PCDH15: variants seen among roughly 807,000 people sequenced by gnomAD.
PCDH15 encodes protocadherin-15.
Under a neutral mutation model 178.5 loss-of-function variants are expected in PCDH15, and 129 were observed. That is an observed-to-expected ratio of 0.72 (90% CI 0.63 to 0.84). The LOEUF (loss-of-function observed/expected upper bound fraction) is 0.84, where lower values mean the gene tolerates loss of function less well. Among genes scored for constraint, PCDH15 ranks in the 40% least tolerant of loss-of-function variants. The pLI is 0.00. For missense variants in PCDH15, 2,230 were observed against 2,099.9 expected, an observed-to-expected ratio of 1.06 and a Z score of -1.21; for synonymous variants, 800 against 732.0, an observed-to-expected ratio of 1.09 and a Z score of -1.50.
chr10:54,338,664 C>T (rs4592338), intron 6 of PCDH15, among the ~76,000 whole-genome samples: 2 of 152,138 alleles, frequency 1.3e-5, no homozygotes, highest in African/African-American at 4.8e-5. Flanking sequence ...CACTGTAATA[C>T]CTCAAAGAAA....
At chr10:54,378,688 T>A (rs1186112003) in intron 4 of PCDH15, 94 bp downstream of exon 4, 21 of 1,389,054 alleles carry the variant, frequency 1.5e-5, no homozygotes, top group Non-Finnish European at 2.1e-5. Flanking sequence ...TAAACTCAAA[T>A]TATGTAAATA....
intron 2 of PCDH15, among the ~76,000 whole-genome samples, chr10:55,588,097 G>C (rs1049507605): frequency 6.6e-6 from 1 of 152,070 alleles, no homozygotes; most frequent in South Asian, 2.1e-4. Context: ...ATTTTAAAGC[G>C]CTTAAAACTT....
intron 1 of PCDH15, among the ~76,000 whole-genome samples, chr10:55,216,441 C>A (rs1840704482): frequency 6.6e-6 from 1 of 151,406 alleles, no homozygotes; most frequent in Non-Finnish European, 1.5e-5. Flanking sequence ...TGGTAAAGTG[C>A]CAAAAAGAAG....
intron 2 of PCDH15, among the ~76,000 whole-genome samples, chr10:54,958,208 G>A (rs1838542906): frequency 6.6e-6 from 1 of 151,380 alleles, no homozygotes; most frequent in African/African-American, 2.4e-5. Flanking sequence ...CCATGTATAT[G>A]TGAAGTACAC....
At chr10:54,139,562 G>A (rs1254220309) in intron 14 of PCDH15, among the ~76,000 whole-genome samples, 1 of 152,096 alleles carries the variant, frequency 6.6e-6, no homozygotes, top group African/African-American at 2.4e-5. Context: ...GTTCTCATCT[G>A]TAAAATGCTA....
rs1447284813 is a variant in PCDH15, at chr10:53,843,087, C to T, written c.3807-2591G>A. Among the ~76,000 whole-genome samples the T allele has an allele frequency of 2.6e-5, 4 of 152,202 alleles. No individual in the cohort carries two copies. In the South Asian group the frequency reaches 8.3e-4, roughly 32 times the overall value. ...AACTGTACCAATTCCTTCATGGTAG[C>T]AGGGAATCATGAATAAAAGAAGTCT... is the stretch of plus-strand genomic sequence containing the variant. On this transcript the variant is annotated intron_variant, in intron 28 of 37. Transcript: ENST00000644397.
chr10:54,918,857 G>A (rs549840151), intron 2 of PCDH15, among the ~76,000 whole-genome samples: 1 of 152,086 alleles, frequency 6.6e-6, no homozygotes, highest in Non-Finnish European at 1.5e-5. Flanking sequence ...AATATCTTAA[G>A]TGAAAAATGT....
intron 1 of PCDH15, among the ~76,000 whole-genome samples, chr10:55,307,006 G>A (rs1383693152): frequency 2.0e-5 from 3 of 151,664 alleles, no homozygotes; most frequent in African/African-American, 7.3e-5. Context: ...ATACATATAT[G>A]TATATATACA....
chr10:54,442,679 T>G (rs2075902572), intron 3 of PCDH15, among the ~76,000 whole-genome samples: 1 of 150,656 alleles, frequency 6.6e-6, no homozygotes, highest in South Asian at 2.1e-4. Flanking sequence ...AAATTATGCT[T>G]AAAAATGATT....
At chr10:54,526,057 T>A (rs901484170) in intron 3 of PCDH15, among the ~76,000 whole-genome samples, 4 of 152,194 alleles carry the variant, frequency 2.6e-5, no homozygotes, top group African/African-American at 9.7e-5. Flanking sequence ...AACATTAGTA[T>A]ACTATATCAT....
intron 2 of PCDH15, among the ~76,000 whole-genome samples, chr10:55,425,266 G>T (rs573260558): frequency 9.9e-5 from 15 of 151,778 alleles, no homozygotes; most frequent in African/African-American, 2.9e-4. Flanking sequence ...AGTATTGTTT[G>T]TAAAATTTTA....
At chr10:54,544,808 TTC>T (rs1236949295) in intron 2 of PCDH15, among the ~76,000 whole-genome samples, 1 of 152,180 alleles carries the variant, frequency 6.6e-6, no homozygotes, top group Non-Finnish European at 1.5e-5. Flanking sequence ...TGTTAAAAAT[TTC>T]TGTTACATTA....
chr10:54,018,019 G>A (rs1320875718), intron 20 of PCDH15, among the ~76,000 whole-genome samples: 1 of 152,046 alleles, frequency 6.6e-6, no homozygotes, highest in Non-Finnish European at 1.5e-5. Flanking sequence ...CTAGCATATG[G>A]CTAGCTATTT....
chr10:54,518,979 G>C (rs1383473276), intron 3 of PCDH15, among the ~76,000 whole-genome samples: 1 of 152,154 alleles, frequency 6.6e-6, no homozygotes, highest in East Asian at 1.9e-4. Flanking sequence ...TATCTCAATA[G>C]ATGCAGAAAA....
chr10:55,013,081 A>T (rs1430327094), intron 2 of PCDH15, among the ~76,000 whole-genome samples: 2 of 152,148 alleles, frequency 1.3e-5, no homozygotes, highest in Admixed American at 1.3e-4. Flanking sequence ...GCTGAAACAT[A>T]GGAATCATAT....
chr10:55,025,753 T>C (rs909354916), intron 2 of PCDH15, among the ~76,000 whole-genome samples: 30 of 152,016 alleles, frequency 2.0e-4, no homozygotes, highest in Non-Finnish European at 2.9e-5. Context: ...TATAGTTTAT[T>C]CAATACCATG....
intron 5 of PCDH15, among the ~76,000 whole-genome samples, chr10:54,353,127 G>A (rs569048825): frequency 5.9e-5 from 9 of 152,088 alleles, no homozygotes; most frequent in African/African-American, 9.6e-5. Context: ...AGAAAATATC[G>A]TTTGCCAAAT....
intron 24 of PCDH15, among the ~76,000 whole-genome samples, chr10:53,939,170 GT>G (rs969800828): frequency 3.3e-5 from 5 of 152,086 alleles, no homozygotes; most frequent in East Asian, 1.9e-4. Flanking sequence ...AAATTGTAGG[GT>G]TTTTTTGTTT....
At chr10:55,400,431 T>C (rs11004832) in intron 2 of PCDH15, among the ~76,000 whole-genome samples, 240 of 152,256 alleles carry the variant, frequency 1.6e-3, no homozygotes, top group Non-Finnish European at 2.6e-3. Context: ...CTAGCATGCA[T>C]TCTAACAGAG....
Sources: allele counts gnomAD v4.1 joint callset (sites outside exome capture counted in the v4.1 genomes callset), GRCh38; gene constraint gnomAD v4.1.1; transcripts MANE v1.5; gene names NCBI Gene and HGNC (gene_info 2026-07-23, HGNC 2026-07-21).